Variants in UGT2B7 observed in about 807,000 individuals in gnomAD.
The protein encoded by UGT2B7 is UDP glucuronosyltransferase family 2 member B7.
In UGT2B7, 51 loss-of-function variants were observed where a neutral mutation model predicts 51.9. The ratio of observed to expected loss-of-function variants is 0.98; its 90% confidence interval spans 0.78 to 1.24. The LOEUF (loss-of-function observed/expected upper bound fraction) is 1.24. UGT2B7 is among the 50% of genes most tolerant of loss of function. The pLI is 0.00. For missense variants in UGT2B7, 727 were observed against 628.4 expected (o/e 1.16, Z -1.68); for synonymous variants, 225 against 211.6 (o/e 1.06, Z -0.55).
At chr4:69,107,828 C>T (rs896255775) in intron 4 of UGT2B7, among the ~76,000 whole-genome samples, 10 of 152,076 alleles carry the variant, frequency 6.6e-5, no homozygotes, top group Non-Finnish European at 1.0e-4. Flanking sequence ...TATCTCTTTG[C>T]TGTCTTCTTT....
chr4:69,083,950 T>C (rs1718892060), intron 1 of UGT2B7, among the ~76,000 whole-genome samples: 1 of 152,124 alleles, frequency 6.6e-6, no homozygotes, highest in Non-Finnish European at 1.5e-5. Flanking sequence ...ATCTTTGTCT[T>C]GTTCCAGATC....
intron 1 of UGT2B7, among the ~76,000 whole-genome samples, chr4:69,078,050 G>A (rs971327305): frequency 6.6e-6 from 1 of 151,330 alleles, no homozygotes. Flanking sequence ...GTTTTTTTTG[G>A]TTTGTTTTTT....
chr4:69,053,476 T>C (rs960225789), intron 1 of UGT2B7, among the ~76,000 whole-genome samples: 8 of 152,346 alleles, frequency 5.3e-5, no homozygotes, highest in Middle Eastern at 6.8e-3. Context: ...CTTGTGCACA[T>C]GGCAGGCCAG....
chr4:69,075,024 G>A (rs1718672982), intron 1 of UGT2B7, among the ~76,000 whole-genome samples: 1 of 152,068 alleles, frequency 6.6e-6, no homozygotes, highest in Admixed American at 6.6e-5. Flanking sequence ...AAATCTTTGA[G>A]TAAATATTTT....
intron 1 of UGT2B7, among the ~76,000 whole-genome samples, chr4:69,080,923 C>T (rs11249525): frequency 0.57 from 86,734 of 151,814 alleles, 25,652 homozygotes; most frequent in East Asian, 0.7. Context: ...TAGGTAAGTG[C>T]TGTAAATTGT....
intron 1 of UGT2B7, among the ~76,000 whole-genome samples, chr4:69,060,833 A>C (rs1718329351): frequency 6.6e-6 from 1 of 152,162 alleles, no homozygotes; most frequent in Admixed American, 6.5e-5. Flanking sequence ...ACTCAATACC[A>C]AGGGCTCCTA....
chr4:69,108,560 A>C (rs1475471009), intron 5 of UGT2B7, among the ~76,000 whole-genome samples: 1 of 152,154 alleles, frequency 6.6e-6, no homozygotes, highest in African/African-American at 2.4e-5. Flanking sequence ...TTTTAAAAGG[A>C]TATAGATAAT....
At chr4:69,055,499 C>T (rs1577904298) in intron 1 of UGT2B7, among the ~76,000 whole-genome samples, 3 of 152,068 alleles carry the variant, frequency 2.0e-5, no homozygotes, top group Non-Finnish European at 2.9e-5. Flanking sequence ...CTAGTGTAAG[C>T]ATCCTAATAA....
chr4:69,051,633 C>G (rs1377849973), intron 1 of UGT2B7: 5 of 152,360 alleles, frequency 3.3e-5, no homozygotes, highest in Non-Finnish European at 5.9e-5. Context: ...TTGCCCCACT[C>G]CACCTGAGTG....
chr4:69,110,905 T>A (rs774996627), intron 5 of UGT2B7, among the ~76,000 whole-genome samples: 28 of 152,208 alleles, frequency 1.8e-4, no homozygotes, highest in Admixed American at 6.5e-4. Context: ...ATTTAAATGT[T>A]TATTTTATGA....
At chr4:69,096,402 A>G (rs116379338), upstream of UGT2B7, 287 of 1,478,122 alleles carry the variant, frequency 1.9e-4, 2 homozygotes, top group African/African-American at 3.1e-3. Context: ...ATGATATTGT[A>G]TGTACTTTGA....
At chr4:69,106,538 T>C (rs1213890744) in intron 3 of UGT2B7, among the ~76,000 whole-genome samples, 1 of 152,194 alleles carries the variant, frequency 6.6e-6, no homozygotes, top group Non-Finnish European at 1.5e-5. Flanking sequence ...TCGTTGCTAT[T>C]GTGAAAAGTA....
intron 1 of UGT2B7, among the ~76,000 whole-genome samples, 163 bp downstream of exon 1, chr4:69,097,404 G>A (rs547922752): frequency 1.3e-5 from 2 of 152,114 alleles, no homozygotes; most frequent in African/African-American, 4.8e-5. Context: ...TTATAGAAAA[G>A]CTTAAATTAC....
chr4:69,087,023 G>T (rs189685641), intron 1 of UGT2B7, among the ~76,000 whole-genome samples: 1 of 151,010 alleles, frequency 6.6e-6, no homozygotes, highest in African/African-American at 2.4e-5. Flanking sequence ...TTCTAGGTTA[G>T]TTTCTGTATA....
At chr4:69,059,299 C>T (rs4403111) in intron 1 of UGT2B7, among the ~76,000 whole-genome samples, 42,565 of 152,096 alleles carry the variant, frequency 0.28, 6,995 homozygotes, top group African/African-American at 0.46. Context: ...AGAGGCCCAT[C>T]GGTTGGTCAA....
intron 1 of UGT2B7, among the ~76,000 whole-genome samples, chr4:69,078,175 T>TACATCAAAAA (rs1718758182): frequency 6.6e-6 from 1 of 152,214 alleles, no homozygotes; most frequent in Non-Finnish European, 1.5e-5. Context: ...ATAAGCTTTT[T>TACATCAAAAA]GATGTGCTGC....
intron 1 of UGT2B7, among the ~76,000 whole-genome samples, chr4:69,073,266 C>A (rs1718638141): frequency 6.6e-6 from 1 of 152,110 alleles, no homozygotes; most frequent in Non-Finnish European, 1.5e-5. Context: ...TTAACTTTCA[C>A]CAATTCAAAG....
chr4:69,104,576 AAAT>A (rs1488421051), intron 3 of UGT2B7, among the ~76,000 whole-genome samples: 1 of 152,194 alleles, frequency 6.6e-6, no homozygotes, highest in Non-Finnish European at 1.5e-5. Flanking sequence ...AACGATGCTA[AAAT>A]AATACAGAGG....
chr4:69,101,258 T>C (rs935167525), intron 2 of UGT2B7, among the ~76,000 whole-genome samples: 2 of 152,062 alleles, frequency 1.3e-5, no homozygotes, highest in East Asian at 1.9e-4. Context: ...CATTGAGCTA[T>C]GTAAATAGGA....
Sources: allele counts gnomAD v4.1 joint callset (sites outside exome capture counted in the v4.1 genomes callset), GRCh38; gene constraint gnomAD v4.1.1; transcripts MANE v1.5; gene names NCBI Gene and HGNC (gene_info 2026-07-23, HGNC 2026-07-21).